Variants in LOXL2 observed in about 807,000 individuals in gnomAD.
LOXL2 encodes lysyl oxidase like 2, also known as lysyl oxidase homolog 2.
Under a neutral mutation model 93.0 loss-of-function variants are expected in LOXL2, and 70 were observed. That is an observed-to-expected ratio of 0.75 (90% CI 0.62 to 0.92). The LOEUF (loss-of-function observed/expected upper bound fraction) is 0.92, where lower values mean the gene tolerates loss of function less well. Among genes scored for constraint, LOXL2 ranks in the 40% least tolerant of loss-of-function variants. The pLI is 0.00. For missense variants in LOXL2, 973 were observed against 1,054.9 expected, an observed-to-expected ratio of 0.92 and a Z score of 1.08; for synonymous variants, 438 against 413.2, an observed-to-expected ratio of 1.06 and a Z score of -0.73.
chr8:23,342,907 C>T (rs78485638), intron 3 of LOXL2, among the ~76,000 whole-genome samples: 6,198 of 152,144 alleles, frequency 0.041, 151 homozygotes, highest in Admixed American at 0.075. Context: ...TACATCACCA[C>T]GCCCAGCTAA....
intron 2 of LOXL2, chr8:23,365,573 A>T (rs887828321): frequency 1.3e-5 from 2 of 148,798 alleles, no homozygotes; most frequent in Admixed American, 6.7e-5. Context: ...TATTCCTTTT[A>T]TAAACCTTGA....
intron 11 of LOXL2, among the ~76,000 whole-genome samples, chr8:23,302,957 G>C (rs535139982): frequency 5.9e-5 from 9 of 152,210 alleles, no homozygotes; most frequent in Non-Finnish European, 7.3e-5. Context: ...GTGGCAGCCA[G>C]AGTGGGAGGG....
At chr8:23,327,993 A>G (rs1319576917) in intron 6 of LOXL2, among the ~76,000 whole-genome samples, 10 of 151,852 alleles carry the variant, frequency 6.6e-5, no homozygotes, top group Non-Finnish European at 1.5e-5. Context: ...TGTTGTACAG[A>G]GTGGTTCAGT....
intron 1 of LOXL2, among the ~76,000 whole-genome samples, chr8:23,371,287 C>G (rs957205951): frequency 7.9e-5 from 12 of 152,146 alleles, no homozygotes; most frequent in Non-Finnish European, 1.8e-4. Flanking sequence ...GACGGAAATA[C>G]TACAGGGAAT....
chr8:23,388,116 G>T (rs551610758), intron 1 of LOXL2, among the ~76,000 whole-genome samples: 2 of 152,138 alleles, frequency 1.3e-5, no homozygotes, highest in Admixed American at 6.5e-5. Flanking sequence ...TGCTAGATTC[G>T]AGTCAGGTTA....
Position 23,373,751 on chromosome 8 carries a change from C to T in LOXL2, c.-83-5317G>A, listed in dbSNP as rs74858731. 3.8e-3 allele frequency among the ~76,000 whole-genome samples: 581 copies of T among 152,150 alleles called. 2 individuals carry two copies. The highest frequency in any genetic ancestry group is 5.8e-3 in the Non-Finnish European group (397 of 68,008). On this transcript the variant is annotated intron_variant, in intron 1 of 13. Coordinates refer to ENST00000389131, the MANE Select transcript of LOXL2 (RefSeq NM_002318.3). ...GATAACTTGCCTAAAGTTGCGCAGA[C>T]GGTAAATGCAAGCCAGGATCTGAAG...
intron 7 of LOXL2, among the ~76,000 whole-genome samples, chr8:23,321,530 G>A (rs1405300081): frequency 6.6e-6 from 1 of 152,208 alleles, no homozygotes; most frequent in Non-Finnish European, 1.5e-5. Flanking sequence ...CCTCACCAGT[G>A]ACAATGGAGC....
chr8:23,350,507 T>C (rs940230461), intron 3 of LOXL2, among the ~76,000 whole-genome samples: 1 of 151,980 alleles, frequency 6.6e-6, no homozygotes, highest in African/African-American at 2.4e-5. Context: ...GAGGCGGAGG[T>C]TGCAGTGAGC....
chr8:23,360,605 C>T (rs1470345383), intron 2 of LOXL2, among the ~76,000 whole-genome samples: 1 of 152,152 alleles, frequency 6.6e-6, no homozygotes, highest in African/African-American at 2.4e-5. Context: ...AGCTGTATAA[C>T]CTTGGTCAAG....
intron 9 of LOXL2, among the ~76,000 whole-genome samples, chr8:23,314,395 A>G (rs1212317960): frequency 7.0e-6 from 1 of 142,018 alleles, no homozygotes; most frequent in Non-Finnish European, 1.5e-5. Flanking sequence ...AACCAACCCA[A>G]ATGTCCAACA....
Position 23,341,170 on chromosome 8 carries a change from G to A in LOXL2, c.565C>T (p.Arg189Ter), listed in dbSNP as rs759081095. Residue 189 changes from arginine to a stop codon, truncating the protein, a stop_gained, in exon 4 of 14, where the codon CGA becomes TGA. Transcript: ENST00000389131. LOFTEE classifies it high-confidence loss of function. ...LNIQVEDIRI[R>*]AILSTYRKRT... ...TTGCGGTAGGTTGAGAGGATGGCTC[G>A]AATCCGAATGTCCTCCACCTGGATA... 1 of 1,613,518 alleles carries A rather than the reference G, an allele frequency of 6.2e-7. No individual in the cohort carries two copies. Among genetic ancestry groups the A allele is most frequent in the Non-Finnish European group, 8.5e-7 (1 of 1,180,006 alleles).
chr8:23,400,378 G>A (rs1427904304), intron 1 of LOXL2, among the ~76,000 whole-genome samples: 1 of 152,144 alleles, frequency 6.6e-6, no homozygotes, highest in East Asian at 1.9e-4. Context: ...AGCATGTACA[G>A]GGGACTCCCA....
At chr8:23,318,947 C>T (rs1379706809) in intron 8 of LOXL2, among the ~76,000 whole-genome samples, 3 of 152,214 alleles carry the variant, frequency 2.0e-5, no homozygotes, top group Non-Finnish European at 2.9e-5. Flanking sequence ...CCATGGGAGA[C>T]AGTCAGGCTC....
At chr8:23,399,070 G>A (rs764392775) in intron 1 of LOXL2, among the ~76,000 whole-genome samples, 1 of 152,218 alleles carries the variant, frequency 6.6e-6, no homozygotes, top group Non-Finnish European at 1.5e-5. Flanking sequence ...GTGTTGCTCT[G>A]GTTGCATCTC....
intron 13 of LOXL2, 95 bp from the exon 14 acceptor site, chr8:23,298,217 G>C: frequency 3.5e-6 from 3 of 864,306 alleles, no homozygotes; most frequent in East Asian, 5.0e-5. Context: ...GGGGCTGCTG[G>C]GGCCACCTGT....
intron 3 of LOXL2, among the ~76,000 whole-genome samples, chr8:23,349,548 C>T (rs1275067865): frequency 6.6e-6 from 1 of 151,772 alleles, no homozygotes; most frequent in African/African-American, 2.4e-5. Flanking sequence ...TCTGTGAAGC[C>T]CCCTCCCCTG....
intron 4 of LOXL2, among the ~76,000 whole-genome samples, chr8:23,334,342 T>G (rs1803755372): frequency 6.6e-6 from 1 of 152,242 alleles, no homozygotes; most frequent in Non-Finnish European, 1.5e-5. Flanking sequence ...CCCAGCCTGT[T>G]GTCATTCTTT....
intron 1 of LOXL2, among the ~76,000 whole-genome samples, chr8:23,373,241 C>G (rs1463362762): frequency 6.6e-6 from 1 of 152,162 alleles, no homozygotes; most frequent in African/African-American, 2.4e-5. Flanking sequence ...AGCTGACTGC[C>G]TAGCTGGAGT....
Position 23,322,170 on chromosome 8 carries a change from C to A in LOXL2, c.1262G>T (p.Gly421Val). 6.2e-7 allele frequency: 1 copy of A among 1,614,230 alleles called. No homozygotes were observed. The highest frequency in any genetic ancestry group is 8.5e-7 in the Non-Finnish European group (1 of 1,180,030). ...SQGCNHEEDAGVRCNTPAMGL... is the reference protein window; with the variant it reads ...SQGCNHEEDAVVRCNTPAMGL... ...CATGGCAGGGGTGTTGCATCTCACA[C>A]CAGCATCCTCCTCGTGGTTGCAGCC... The change falls in exon 7 of 14, where the codon GGT becomes GTT. Residue 421 changes from glycine (G) to valine (V), a missense_variant. Gly to Val is a moderately radical substitution (Grantham distance 109). Coordinates refer to ENST00000389131, the MANE Select transcript of LOXL2 (RefSeq NM_002318.3).
Sources: allele counts gnomAD v4.1 joint callset (sites outside exome capture counted in the v4.1 genomes callset), GRCh38; gene constraint gnomAD v4.1.1; transcripts MANE v1.5; gene names NCBI Gene and HGNC (gene_info 2026-07-23, HGNC 2026-07-21).